RERE: variants seen among roughly 807,000 people sequenced by gnomAD.
RERE encodes arginine-glutamic acid dipeptide repeats.
A neutral mutation model predicts 146.1 loss-of-function variants in RERE; 40 were observed. The observed-to-expected ratio is 0.27, with a 90% CI of 0.21 to 0.36. The LOEUF (loss-of-function observed/expected upper bound fraction) is 0.36. RERE is among the 10% of genes least tolerant of loss of function. The probability of loss-of-function intolerance (pLI) is 1.00; values close to 1 mark genes in which losing one functional copy is unlikely to be tolerated. For synonymous variants in RERE, 1,003 were observed against 866.0 expected (o/e 1.16, Z -2.78); for missense variants, 1,933 against 2,138.7 (o/e 0.90, Z 1.90).
At chr1:8,371,233 T>TG (rs897713845) in intron 12 of RERE, among the ~76,000 whole-genome samples, 40 of 151,984 alleles carry the variant, frequency 2.6e-4, no homozygotes, top group Non-Finnish European at 4.7e-4. Flanking sequence ...CTTTTGGCGG[T>TG]GGGGGGGCTA....
chr1:8,645,200 T>C (rs538041801), intron 2 of RERE, among the ~76,000 whole-genome samples: 1 of 152,318 alleles, frequency 6.6e-6, no homozygotes, highest in African/African-American at 2.4e-5. Flanking sequence ...GCTCCCTTAC[T>C]ATTTACAGCC....
At chr1:8,359,732 C>A (rs145738504) in intron 19 of RERE, 32 bp downstream of exon 19, 2 of 1,594,532 alleles carry the variant, frequency 1.3e-6, no homozygotes, top group South Asian at 1.1e-5. Context: ...GGACCAGCGC[C>A]CCCCGTCACA....
intron 1 of RERE, among the ~76,000 whole-genome samples, chr1:8,685,630 T>C (rs551694894): frequency 1.3e-5 from 2 of 152,156 alleles, no homozygotes; most frequent in Non-Finnish European, 2.9e-5. Flanking sequence ...CCAGCTACTC[T>C]ACTGTTTAGA....
intron 4 of RERE, among the ~76,000 whole-genome samples, chr1:8,610,678 T>C (rs1646783130): frequency 6.6e-6 from 1 of 152,202 alleles, no homozygotes; most frequent in African/African-American, 2.4e-5. Flanking sequence ...TATTGTATGC[T>C]TGCTATATGC....
intron 12 of RERE, among the ~76,000 whole-genome samples, chr1:8,406,729 G>A (rs1213868057): frequency 6.6e-6 from 1 of 152,040 alleles, no homozygotes; most frequent in Non-Finnish European, 1.5e-5. Flanking sequence ...TGTGTTTTTG[G>A]GAGAGGGAGA....
intron 11 of RERE, among the ~76,000 whole-genome samples, chr1:8,438,917 C>CCG (rs1447088169): frequency 6.6e-6 from 1 of 151,800 alleles, no homozygotes; most frequent in Non-Finnish European, 1.5e-5. Context: ...TGATATTCTC[C>CCG]CTCTCTCTCT....
intron 1 of RERE, among the ~76,000 whole-genome samples, chr1:8,790,696 A>AAGCAAT: frequency 6.6e-6 from 1 of 152,310 alleles, no homozygotes; most frequent in Admixed American, 6.5e-5. Context: ...CAATTCTCGT[A>AAGCAAT]CCTCGGCCTC....
chr1:8,420,636 GC>G (rs1175534791), intron 12 of RERE, among the ~76,000 whole-genome samples: 1 of 152,184 alleles, frequency 6.6e-6, no homozygotes, highest in Non-Finnish European at 1.5e-5. Context: ...TGAATATTTA[GC>G]AAATGTCAGG....
rs987730776 is a variant in RERE at position 8,358,770 on chromosome 1, A to T, written c.3765T>A (p.Thr1255=). 39 of 1,612,568 alleles carry T rather than the reference A, an allele frequency of 2.4e-5. No individual in the cohort carries two copies. The highest frequency in any genetic ancestry group is 3.1e-5 in the Non-Finnish European group (36 of 1,179,294). Residue 1255 remains threonine (T), a synonymous_variant, in exon 20 of 23, where the codon ACT becomes ACA. Transcript: ENST00000400908. The part of the protein sequence containing the change: ...YIGPDTPALR[T]LSEYARPHVM... ...CGTGGGGCCGGGCGTACTCGCTCAGAGTCCGAAGGGCAGGTGTGTCGGGCC... is the reference window on the plus strand; with the variant it reads ...CGTGGGGCCGGGCGTACTCGCTCAGTGTCCGAAGGGCAGGTGTGTCGGGCC...
At position 8,358,654 on chromosome 1, in the gene RERE, T is replaced by C. The variant is rs1461938821; in HGVS notation, c.3881A>G (p.Asn1294Ser). ...CCGCTCGCGGATGGTGGGGTCGACG[T>C]TGTAGAGGCCAGGCATGTGGTAGGC... ...LLAYHMPGLY[N>S]VDPTIREREL... is the part of the protein sequence containing the mutation. The change falls in exon 20 of 23, where the codon AAC becomes AGC. Residue 1294 changes from asparagine to serine, a missense_variant. Around this residue, in one of 11 missense-constraint regions of RERE, gnomAD observed 1,255 missense variants for 1,153.8 expected, o/e 1.09. Transcript: ENST00000400908. The C allele has an allele frequency of 1.9e-6, 3 of 1,585,522 alleles. No individual in the cohort carries two copies. The highest frequency in any genetic ancestry group is 2.6e-6 in the Non-Finnish European group (3 of 1,165,320).
At chr1:8,789,744 G>C (rs571880750) in intron 1 of RERE, among the ~76,000 whole-genome samples, 1 of 151,948 alleles carries the variant, frequency 6.6e-6, no homozygotes. Context: ...TTTACTGAAC[G>C]CTGCGCATAC....
intron 7 of RERE, among the ~76,000 whole-genome samples, chr1:8,520,766 A>AAAC (rs1275116657): frequency 6.7e-6 from 1 of 150,298 alleles, no homozygotes; most frequent in Non-Finnish European, 1.5e-5. Flanking sequence ...AAAAAAAAAA[A>AAAC]AAAAAAAAAA....
At chr1:8,383,766 G>A (rs1642537569) in intron 12 of RERE, among the ~76,000 whole-genome samples, 1 of 152,112 alleles carries the variant, frequency 6.6e-6, no homozygotes, top group African/African-American at 2.4e-5. Context: ...GGCTGAGGCA[G>A]GAGAATCGCT....
chr1:8,372,968 G>A (rs78500773), intron 12 of RERE, among the ~76,000 whole-genome samples: 10 of 152,336 alleles, frequency 6.6e-5, no homozygotes, highest in African/African-American at 2.4e-4. Flanking sequence ...AGGCCTGGAA[G>A]CTTCTCATGG....
At chr1:8,486,755 T>TAAAAAAAAAAAA (rs33956517) in intron 10 of RERE, among the ~76,000 whole-genome samples, 4 of 122,312 alleles carry the variant, frequency 3.3e-5, no homozygotes, top group East Asian at 2.3e-4. Context: ...GAGTCCATCT[T>TAAAAAAAAAAAA]AAAAAAAAAA....
At chr1:8,793,446 G>A (rs80107370) in intron 1 of RERE, among the ~76,000 whole-genome samples, 2,151 of 152,170 alleles carry the variant, frequency 0.014, 17 homozygotes, top group Middle Eastern at 0.088. Context: ...ACAACAACAA[G>A]GCTGGCAATC....
At chr1:8,634,214 G>A (rs750804270) in intron 2 of RERE, among the ~76,000 whole-genome samples, 26 of 152,228 alleles carry the variant, frequency 1.7e-4, no homozygotes, top group East Asian at 5.8e-4. Context: ...TCACAATCCT[G>A]CTCAACCTTC....
chr1:8,685,662 T>C (rs1458033347), intron 1 of RERE, among the ~76,000 whole-genome samples: 1 of 152,174 alleles, frequency 6.6e-6, no homozygotes, highest in Non-Finnish European at 1.5e-5. Flanking sequence ...TGTCCAAAAA[T>C]GTGACTGCTT....
chr1:8,774,333 C>T (rs1336855702), intron 1 of RERE, among the ~76,000 whole-genome samples: 2 of 142,956 alleles, frequency 1.4e-5, no homozygotes, highest in East Asian at 4.0e-4. Context: ...TTATCTCCTT[C>T]ATTTTGGCAA....
Sources: allele counts gnomAD v4.1 joint callset (sites outside exome capture counted in the v4.1 genomes callset), GRCh38; gene constraint gnomAD v4.1.1; regional missense constraint gnomAD v4.1.1; transcripts MANE v1.5; gene names NCBI Gene and HGNC (gene_info 2026-07-23, HGNC 2026-07-21).